The following HK3 variants were observed in gnomAD, a reference collection of about 807,000 sequenced individuals.
The protein encoded by HK3 is hexokinase-3.
Under a neutral mutation model 91.0 loss-of-function variants are expected in HK3, and 93 were observed. The observed-to-expected ratio is 1.02, with a 90% CI of 0.86 to 1.21. The LOEUF is 1.21. Ranked by LOEUF, HK3 falls within the 50% of genes most tolerant of loss-of-function variation. The pLI is 0.00. For missense variants in HK3, 1,235 were observed against 1,247.4 expected (o/e 0.99, Z 0.15); for synonymous variants, 519 against 516.9 (o/e 1.00, Z -0.06).
chr5:176,885,920 G>A (rs938162951), intron 13 of HK3, among the ~76,000 whole-genome samples: 4 of 152,020 alleles, frequency 2.6e-5, no homozygotes, highest in South Asian at 4.2e-4. Context: ...AAGGACCACC[G>A]TGTAAAAGAA....
Position 176,890,897 on chromosome 5 carries a change from C to T in HK3, c.459G>A (p.Ala153=), listed in dbSNP as rs146938667. 2.0e-4 allele frequency: 320 copies of T among 1,614,036 alleles called. 2 individuals are homozygous for T. In the East Asian group the frequency reaches 5.7e-3, roughly 29 times the overall value. The change falls in exon 5 of 19, where the codon GCG becomes GCA. Residue 153 remains alanine (A), a synonymous_variant. Transcript: ENST00000292432. ...AAHCLSEFLD[A]QPVNKQGLQL... ...GCAGACCCTGTTTGTTCACAGGCTG[C>T]GCATCCAGGAACTCAGACAGGCAGT...
At chr5:176,890,798 C>A (rs374545984) in intron 5 of HK3, 24 bp downstream of exon 5, 4 of 1,614,208 alleles carry the variant, frequency 2.5e-6, no homozygotes, top group Non-Finnish European at 3.4e-6. Flanking sequence ...CTCTACCCAG[C>A]GTCCCATGTC....
Position 176,887,791 on chromosome 5 carries a change from GAC to G in HK3, c.1305-47_1305-46del. On this transcript the variant is annotated intron_variant, in intron 10 of 18. Coordinates refer to ENST00000292432, the MANE Select transcript of HK3 (RefSeq NM_002115.3). The surrounding 1 kb of genome is among the most constrained non-coding windows in gnomAD (Gnocchi z 4.9). ...CACCCGGCTTGGCCCTGGACCCCCAGACACACACAGGTGTGCACGGCTTGGCC... is the reference window on the plus strand; with the variant it reads ...CACCCGGCTTGGCCCTGGACCCCCAGACACACAGGTGTGCACGGCTTGGCC... 1 of 1,563,868 alleles carries G rather than the reference GAC, an allele frequency of 6.4e-7. No individual in the cohort carries two copies. The highest frequency in any genetic ancestry group is 1.2e-5 in the South Asian group (1 of 82,560).
chr5:176,885,699 C>T (rs1184244959), intron 13 of HK3, among the ~76,000 whole-genome samples: 2 of 152,050 alleles, frequency 1.3e-5, no homozygotes, highest in African/African-American at 2.4e-5. Flanking sequence ...GGATTACAAG[C>T]GTGAGCCACC....
In HK3 at chr5:176,880,955, G is replaced by A. The variant is rs1249763086; in HGVS notation, c.*118C>T. 2 of 1,178,220 alleles carry A rather than the reference G, an allele frequency of 1.7e-6. No individual in the cohort carries two copies. Among genetic ancestry groups the A allele is most frequent in the Admixed American group, 3.1e-5 (1 of 32,278 alleles). 73.0% of individuals were successfully genotyped at this position (1,178,220 alleles called of 1,614,324 possible). A position where few individuals can be genotyped will look rare whatever the true frequency, so the allele number is the denominator to read the frequency against. ...GGAGCAAGGCCAAATGGCCGCAGAG[G>A]GGTCACACATGGGATGTCCCAGGAG... On this transcript the variant is annotated 3_prime_UTR_variant, in exon 19 of 19. Coordinates refer to ENST00000292432, the MANE Select transcript of HK3 (RefSeq NM_002115.3).
rs772800163 is a variant in HK3, at chr5:176,881,275, C to G, written c.2627+27G>C. 4 of 1,613,520 alleles carry G rather than the reference C, an allele frequency of 2.5e-6. No individual in the cohort carries two copies. In the South Asian group the frequency reaches 4.4e-5, roughly 18 times the overall value. On this transcript the variant is annotated intron_variant, in intron 18 of 18. Transcript: ENST00000292432. ...ACCAGCCCCACCTGGCCACACCTCC[C>G]TCCCCAGCCCGCACACCCAGACTCA...
At chr5:176,885,516 G>C (rs774215027) in intron 13 of HK3, among the ~76,000 whole-genome samples, 1 of 152,022 alleles carries the variant, frequency 6.6e-6, no homozygotes, top group African/African-American at 2.4e-5. Flanking sequence ...CTGCCTCCCG[G>C]GTTCAAGTGA....
intron 2 of HK3, among the ~76,000 whole-genome samples, chr5:176,893,497 A>G (rs1367875690): frequency 2.0e-5 from 3 of 152,154 alleles, no homozygotes; most frequent in African/African-American, 7.2e-5. Context: ...AATGCCAGGG[A>G]CTATGTCTTG....
rs111627568 is a variant in HK3 at position 176,888,353 on chromosome 5, C to T, written c.1283G>A (p.Arg428Gln). 20 of 1,558,042 alleles carry T rather than the reference C, an allele frequency of 1.3e-5. No homozygotes were observed. The East Asian group carries it at 1.9e-4, about 15-fold the overall frequency. ...ATACCTGGGGTGCCGCTCACACACT[C>T]GGCCTCCGGTGGCCACAGCAACCTG... ...TLQVAVATGGRVCERHPRFCS... is the reference protein window; with the variant it reads ...TLQVAVATGGQVCERHPRFCS... Residue 428 changes from arginine to glutamine, a missense_variant, in exon 10 of 19, where the codon CGA (arginine) becomes CAA (glutamine). By Grantham distance (43) the Arg-to-Gln change is conservative. This residue lies in a region of HK3 where 717 missense variants were observed against 751.6 expected (regional missense o/e 0.95). Transcript: ENST00000292432.
In HK3 at chr5:176,889,307, G is replaced by A; in HGVS notation, c.914+74C>T. The A allele has an allele frequency of 2.7e-6, 4 of 1,497,984 alleles. 1 individual carries two copies. Among genetic ancestry groups the A allele is most frequent in the East Asian group, 4.5e-5 (2 of 44,054 alleles). 92.8% of individuals were successfully genotyped at this position (1,497,984 alleles called of 1,614,324 possible). ...AGGGGCCTAAGGGCCTGAGAACAGG[G>A]ACAGAAGGGGTTGGGAGCAGAGCAG... On this transcript the variant is annotated intron_variant, in intron 8 of 18. Coordinates refer to ENST00000292432, the MANE Select transcript of HK3 (RefSeq NM_002115.3).
Position 176,890,953 on chromosome 5 carries a change from G to T in HK3, c.415-12C>A, listed in dbSNP as rs1758750754. ...GCAAAGTCAAAGAGCTGCAGGAGAA[G>T]TGGGGGGGCTCAGCCTTGCCCATCT... On this transcript the variant is annotated splice_polypyrimidine_tract_variant and intron_variant, in intron 4 of 18. Transcript: ENST00000292432. The T allele has an allele frequency of 1.2e-6, 2 of 1,613,998 alleles. No homozygotes were observed. The highest frequency in any genetic ancestry group is 1.7e-6 in the Non-Finnish European group (2 of 1,180,000).
At chr5:176,891,623 C>A (rs898318471) in intron 2 of HK3, 73 bp from the exon 3 acceptor site, 1 of 1,488,216 alleles carries the variant, frequency 6.7e-7, no homozygotes, top group Admixed American at 2.0e-5. Context: ...CCAAACAAGG[C>A]AGAGGCCTGC....
chr5:176,897,822 G>C (rs1758943274), intron 1 of HK3, among the ~76,000 whole-genome samples: 1 of 152,118 alleles, frequency 6.6e-6, no homozygotes, highest in Non-Finnish European at 1.5e-5. Context: ...TAATAGCTGT[G>C]TCAGGGCTCC....
chr5:176,895,073 G>A (rs1484870949), intron 2 of HK3, among the ~76,000 whole-genome samples: 3 of 145,516 alleles, frequency 2.1e-5, no homozygotes, highest in East Asian at 4.0e-4. Context: ...CACTGCGCCC[G>A]GACTTTTTTT....
Position 176,891,204 on chromosome 5 carries a change from C to G in HK3, c.260-13G>C. On this transcript the variant is annotated splice_polypyrimidine_tract_variant and intron_variant, in intron 3 of 18. Coordinates refer to ENST00000292432, the MANE Select transcript of HK3 (RefSeq NM_002115.3). ...AAGTCTCCTTGCTCTGGAGGGCAAG[C>G]AGGTCACAGAAAGCCATGCAGCTGG... 6.2e-7 allele frequency: 1 copy of G among 1,614,098 alleles called. No homozygotes were observed. The highest frequency in any genetic ancestry group is 1.1e-5 in the South Asian group (1 of 91,088).
chr5:176,894,113 C>T (rs948778405), intron 2 of HK3, among the ~76,000 whole-genome samples: 2 of 152,184 alleles, frequency 1.3e-5, no homozygotes, highest in Non-Finnish European at 2.9e-5. Context: ...ATAGGAGATG[C>T]TCAGTGGAAC....
chr5:176,888,751 C>T lies in HK3; in HGVS notation c.1028G>A (p.Ser343Asn), dbSNP rs369428434. 4 of 1,614,130 alleles carry T rather than the reference C, an allele frequency of 2.5e-6. No homozygotes were observed. The highest frequency in any genetic ancestry group is 2.7e-5 in the African/African-American group (2 of 74,940). ...FGGCTSPALL[S>N]QGSILLEHVA... ...GTGTTCCAGGAGGATGCTGCCTTGG[C>T]TCAGCAGGGCAGGGGAGGTGCAGCC... The change falls in exon 9 of 19, where the codon AGC becomes AAC. Residue 343 changes from serine (S) to asparagine (N), a missense_variant. Physicochemically the swap from Ser to Asn is conservative, Grantham distance 46. Around this residue, in one of 3 missense-constraint regions of HK3, gnomAD observed 717 missense variants for 751.6 expected, o/e 0.95. Coordinates refer to ENST00000292432, the MANE Select transcript of HK3 (RefSeq NM_002115.3).
chr5:176,881,609 T>G, intron 17 of HK3, 74 bp from the exon 18 acceptor site: 2 of 1,590,574 alleles, frequency 1.3e-6, no homozygotes, highest in Non-Finnish European at 1.7e-6. Context: ...AGAGCAGACC[T>G]CGTCACCACC....
In HK3 at chr5:176,887,897, CT is replaced by C. The variant is rs113393288; in HGVS notation, c.1305-152del. ...CCTCCTGAAGCCCAAGGCCCCATCACTTTTTTTTTTTTATTTTTGTAGATAT... is the reference window on the plus strand; with the variant it reads ...CCTCCTGAAGCCCAAGGCCCCATCACTTTTTTTTTTTATTTTTGTAGATAT... On this transcript the variant is annotated intron_variant, in intron 10 of 18. Coordinates refer to ENST00000292432, the MANE Select transcript of HK3 (RefSeq NM_002115.3). This position sits in a 1 kb window ranked among gnomAD's most constrained non-coding sequence, Gnocchi z 4.9. 0.091 allele frequency: 43,076 copies of C among 471,650 alleles called. 36 individuals carry two copies. Among genetic ancestry groups the C allele is most frequent in the South Asian group, 0.11 (3,508 of 31,594 alleles). The allele number at this position is 471,650 out of a possible 1,614,324, so 29.2% of individuals were successfully genotyped here. A position where few individuals can be genotyped will look rare whatever the true frequency, so the allele number is the denominator to read the frequency against.
Sources: gnomAD v4.1 joint callset for allele counts (sites outside exome capture counted in the v4.1 genomes callset) on GRCh38, gnomAD v4.1.1 for gene constraint, gnomAD v4.1.1 regional missense constraint, Gnocchi (gnomAD v3.1) non-coding constraint, MANE v1.5 for transcripts, NCBI Gene and HGNC (gene_info 2026-07-23, HGNC 2026-07-21) for gene names.